RBFOX2: variants seen among roughly 807,000 people sequenced by gnomAD.
RBFOX2 encodes RNA binding fox-1 homolog 2.
In RBFOX2, 10 loss-of-function variants were observed where a neutral mutation model predicts 49.1. The ratio of observed to expected loss-of-function variants is 0.20; its 90% CI spans 0.13 to 0.35. The LOEUF is 0.35. Ranked by LOEUF, RBFOX2 falls within the 10% of genes least tolerant of loss-of-function variation. RBFOX2 has a pLI of 1.00. For missense variants in RBFOX2, 323 were observed against 486.9 expected, an observed-to-expected ratio of 0.66 and a Z score of 3.17; for synonymous variants, 183 against 187.4, an observed-to-expected ratio of 0.98 and a Z score of 0.19.
At chr22:35,983,905 A>G (rs1291891537) in intron 1 of RBFOX2, among the ~76,000 whole-genome samples, 5 of 152,204 alleles carry the variant, frequency 3.3e-5, no homozygotes, top group Admixed American at 6.6e-5. Flanking sequence ...CACTCTGTTT[A>G]TCTCTGACAC....
intron 1 of RBFOX2, among the ~76,000 whole-genome samples, chr22:35,986,084 AT>A (rs2057710808): frequency 6.6e-6 from 1 of 152,160 alleles, no homozygotes. Flanking sequence ...AGTCCGCTAT[AT>A]TTTTAGTAAT....
intron 2 of RBFOX2, among the ~76,000 whole-genome samples, chr22:35,791,214 G>T (rs566828436): frequency 6.6e-6 from 1 of 151,740 alleles, no homozygotes. Flanking sequence ...GTGAAACCTC[G>T]TCTCCACTAA....
At chr22:35,792,771 T>C (rs923996319) in intron 2 of RBFOX2, among the ~76,000 whole-genome samples, 1 of 152,214 alleles carries the variant, frequency 6.6e-6, no homozygotes, top group African/African-American at 2.4e-5. Context: ...ATAGCCTTTT[T>C]AAAAAAATAA....
exon 5 of RBFOX2, chr22:35,768,320 A>G (rs1404569218): frequency 6.2e-7 from 1 of 1,614,124 alleles, no homozygotes; most frequent in Non-Finnish European, 8.5e-7. Flanking sequence ...CTGCATCAGC[A>G]CTATTCTCGA....
At chr22:35,810,004 C>A in exon 2 of RBFOX2, 1 of 1,613,784 alleles carries the variant, frequency 6.2e-7, no homozygotes, top group Non-Finnish European at 8.5e-7. Flanking sequence ...TCCTGGTTAC[C>A]CTAAAACAAA....
At chr22:36,006,315 T>C (rs939878580) in intron 1 of RBFOX2, among the ~76,000 whole-genome samples, 2 of 152,230 alleles carry the variant, frequency 1.3e-5, no homozygotes, top group Non-Finnish European at 2.9e-5. Flanking sequence ...ATTCAAGTTG[T>C]GTCCATGCGG....
At chr22:35,971,911 C>CT (rs1268149456) in intron 1 of RBFOX2, among the ~76,000 whole-genome samples, 2 of 87,700 alleles carry the variant, frequency 2.3e-5, no homozygotes, top group Non-Finnish European at 5.0e-5. Context: ...CTTTTTCTCC[C>CT]TAAAAAAAAA....
intron 2 of RBFOX2, among the ~76,000 whole-genome samples, chr22:35,795,372 A>G (rs1262577267): frequency 6.6e-6 from 1 of 152,112 alleles, no homozygotes; most frequent in East Asian, 1.9e-4. Flanking sequence ...TGTGGGCTGA[A>G]GGTAATATAG....
At chr22:35,807,290 G>A (rs1212959664) in intron 2 of RBFOX2, among the ~76,000 whole-genome samples, 1 of 151,978 alleles carries the variant, frequency 6.6e-6, no homozygotes, top group East Asian at 1.9e-4. Context: ...GAGACAAAGA[G>A]GGACATTTCA....
At chr22:35,925,438 G>A (rs911968293) in intron 1 of RBFOX2, among the ~76,000 whole-genome samples, 1 of 152,276 alleles carries the variant, frequency 6.6e-6, no homozygotes, top group East Asian at 1.9e-4. Context: ...GCTGAGGTGG[G>A]AGGATCACTT....
chr22:35,953,576 A>C (rs1285817568), intron 1 of RBFOX2, among the ~76,000 whole-genome samples: 1 of 152,248 alleles, frequency 6.6e-6, no homozygotes, highest in Non-Finnish European at 1.5e-5. Context: ...TGTAAGCTAC[A>C]TGGAGATAGT....
chr22:35,973,169 G>C (rs932349668), intron 1 of RBFOX2, among the ~76,000 whole-genome samples: 1 of 152,178 alleles, frequency 6.6e-6, no homozygotes, highest in Non-Finnish European at 1.5e-5. Context: ...TAATTATAAA[G>C]TACTGTGAGA....
At chr22:35,808,882 T>A (rs1289979545) in intron 2 of RBFOX2, among the ~76,000 whole-genome samples, 2 of 152,102 alleles carry the variant, frequency 1.3e-5, no homozygotes, top group East Asian at 3.9e-4. Context: ...GTATGAGATA[T>A]ATACCTATTA....
At chr22:35,816,655 G>T (rs1001815592) in intron 1 of RBFOX2, among the ~76,000 whole-genome samples, 3 of 152,062 alleles carry the variant, frequency 2.0e-5, no homozygotes. Context: ...TGGTTGTCTG[G>T]AACTTACTGA....
chr22:35,977,753 T>TAG (rs2057259037), intron 1 of RBFOX2, among the ~76,000 whole-genome samples: 1 of 134,800 alleles, frequency 7.4e-6, no homozygotes, highest in African/African-American at 2.7e-5. Context: ...TATATATATA[T>TAG]ATATATATAC....
intron 1 of RBFOX2, among the ~76,000 whole-genome samples, chr22:36,002,824 C>A (rs1603464917): frequency 6.6e-6 from 1 of 152,344 alleles, no homozygotes. Flanking sequence ...GGGGGTTTCG[C>A]CATGTGGGCC....
At chr22:35,745,115 ATATT>A (rs1932021645) in intron 11 of RBFOX2, among the ~76,000 whole-genome samples, 1 of 152,134 alleles carries the variant, frequency 6.6e-6, no homozygotes, top group African/African-American at 2.4e-5. Context: ...TAGCTTTCTC[ATATT>A]CCTTTAGGTC....
chr22:35,950,761 T>C (rs1029391169), intron 1 of RBFOX2, among the ~76,000 whole-genome samples: 2 of 152,106 alleles, frequency 1.3e-5, no homozygotes, highest in African/African-American at 4.8e-5. Flanking sequence ...GGGAGACGGC[T>C]CTTTGGGTAT....
At chr22:35,886,486 A>C (rs1162868251) in intron 1 of RBFOX2, among the ~76,000 whole-genome samples, 1 of 152,204 alleles carries the variant, frequency 6.6e-6, no homozygotes, top group Non-Finnish European at 1.5e-5. Flanking sequence ...AGGTGATTTC[A>C]TAGTTGTGAG....
Sources: allele counts gnomAD v4.1 joint callset (sites outside exome capture counted in the v4.1 genomes callset), GRCh38; gene constraint gnomAD v4.1.1; transcripts MANE v1.5; gene names NCBI Gene and HGNC (gene_info 2026-07-23, HGNC 2026-07-21).